Variants in DDX50 observed in about 807,000 individuals in gnomAD.
The protein encoded by DDX50 is DExD-box helicase 50.
DDX50 carries 56 observed loss-of-function variants against 94.8 expected under a neutral mutation model. The ratio of observed to expected loss-of-function variants is 0.59; its 90% CI spans 0.48 to 0.74. The LOEUF (loss-of-function observed/expected upper bound fraction) is 0.74. DDX50 is among the 30% of genes least tolerant of loss of function. The pLI, the probability that DDX50 is intolerant of heterozygous loss-of-function variation, is 0.00. For synonymous variants in DDX50, 264 were observed against 295.4 expected, an observed-to-expected ratio of 0.89 and a Z score of 1.09; for missense variants, 713 against 881.2, an observed-to-expected ratio of 0.81 and a Z score of 2.42.
chr10:68,934,528 A>ATT lies in DDX50; in HGVS notation c.1401+169_1401+170dup, dbSNP rs1401971883. 6.6e-6 allele frequency among the ~76,000 whole-genome samples: 1 copy of ATT among 152,206 alleles called. No individual in the cohort carries two copies. Among genetic ancestry groups the ATT allele is most frequent in the African/African-American group, 2.4e-5 (1 of 41,456 alleles). On this transcript the variant is annotated intron_variant, in intron 9 of 14. Coordinates refer to ENST00000373585, the MANE Select transcript of DDX50 (RefSeq NM_024045.2). The surrounding 1 kb of genome is among the most constrained non-coding windows in gnomAD (Gnocchi z 4.0). ...TCAGATTCTGATACTTTTGCAGATG[A>ATT]TTAACTCTATTGTTTGTATTTGAAG...
chr10:68,926,543 T>C (rs1252707274), intron 8 of DDX50, among the ~76,000 whole-genome samples: 2 of 152,174 alleles, frequency 1.3e-5, no homozygotes, highest in Non-Finnish European at 2.9e-5. Flanking sequence ...TTTTTGTTTT[T>C]ATTTTTAAAT....
intron 14 of DDX50, among the ~76,000 whole-genome samples, chr10:68,945,504 A>G (rs1380248395): frequency 6.6e-6 from 1 of 151,890 alleles, no homozygotes; most frequent in Admixed American, 6.6e-5. Flanking sequence ...TTGGAGTTTT[A>G]CCACGTTGGC....
chr10:68,907,160 C>A (rs117780607), intron 2 of DDX50, among the ~76,000 whole-genome samples, 153 bp downstream of exon 2: 1,649 of 152,204 alleles, frequency 0.011, 12 homozygotes, highest in South Asian at 0.025. Context: ...GAAGCCTGAG[C>A]CTTTTTTCCT....
At position 68,913,220 on chromosome 10, in the gene DDX50, A is replaced by T. The variant is rs1167332685; in HGVS notation, c.698A>T (p.Asp233Val). ...LANQVAKDFK[D>V]ITRKLSVACF... Reference sequence around the variant, plus strand: ...AACCAAGTAGCCAAAGACTTCAAAGATATAACTAGGAAACTCAGCGTGGCG... The same window carrying T: ...AACCAAGTAGCCAAAGACTTCAAAGTTATAACTAGGAAACTCAGCGTGGCG... The change falls in exon 5 of 15, where the codon GAT becomes GTT. Residue 233 changes from aspartate to valine, a missense_variant. Physicochemically the swap from Asp to Val is radical, Grantham distance 152 (BLOSUM62 -3). Transcript: ENST00000373585. The T allele has an allele frequency of 6.2e-7, 1 of 1,613,520 alleles. No homozygotes were observed. Among genetic ancestry groups the T allele is most frequent in the Admixed American group, 1.7e-5 (1 of 59,864 alleles).
At chr10:68,943,650 T>G (rs1350670047) in intron 14 of DDX50, among the ~76,000 whole-genome samples, 5 of 152,214 alleles carry the variant, frequency 3.3e-5, no homozygotes, top group Non-Finnish European at 2.9e-5. Context: ...CAGGCTGGGC[T>G]GAAACTCCCG....
chr10:68,935,992 T>A lies in DDX50; in HGVS notation c.1522-14T>A. 1 of 1,568,276 alleles carries A rather than the reference T, an allele frequency of 6.4e-7. No homozygotes were observed. The highest frequency in any genetic ancestry group is 8.7e-7 in the Non-Finnish European group (1 of 1,150,998). On this transcript the variant is annotated splice_polypyrimidine_tract_variant and intron_variant, in intron 10 of 14. Coordinates refer to ENST00000373585, the MANE Select transcript of DDX50 (RefSeq NM_024045.2). The stretch of plus-strand genomic sequence containing the variant: ...GACTTCCATTTTTCTTTAATGTAAC[T>A]CTTTCATTTTCAGGGAATTACTTTT...
chr10:68,902,359 CA>C (rs1246544076), intron 1 of DDX50, among the ~76,000 whole-genome samples: 2 of 152,168 alleles, frequency 1.3e-5, no homozygotes, highest in Non-Finnish European at 2.9e-5. Context: ...TGACATTCGA[CA>C]AAAGAATGAG....
At chr10:68,923,111 TAAAAA>T (rs71474455) in intron 8 of DDX50, among the ~76,000 whole-genome samples, 3 of 114,450 alleles carry the variant, frequency 2.6e-5, no homozygotes, top group African/African-American at 3.4e-5. Flanking sequence ...CCCTTTCTCT[TAAAAA>T]AAAAAAAAAA....
chr10:68,929,976 G>A (rs1246848183), intron 8 of DDX50, among the ~76,000 whole-genome samples: 2 of 150,824 alleles, frequency 1.3e-5, no homozygotes, highest in East Asian at 2.0e-4. Flanking sequence ...CAAGTGATCC[G>A]CCCACTTTGG....
At chr10:68,944,457 TC>T (rs1357343195) in intron 14 of DDX50, among the ~76,000 whole-genome samples, 3 of 152,216 alleles carry the variant, frequency 2.0e-5, no homozygotes, top group African/African-American at 7.2e-5. Context: ...TATTTTGCTT[TC>T]GAAGTCTTTT....
Position 68,912,434 on chromosome 10 carries a change from G to C in DDX50, c.640-728G>C, listed in dbSNP as rs891597074. 1.8e-3 allele frequency among the ~76,000 whole-genome samples: 281 copies of C among 152,208 alleles called. 8 individuals carry two copies. Among genetic ancestry groups the C allele is most frequent in the Non-Finnish European group, 5.4e-4 (37 of 68,010 alleles). ...TCATTCTGTAGTCCAGGCTGGTTTT[G>C]AACTCCTGGCCTCAAGTGATCCTTC... On this transcript the variant is annotated intron_variant, in intron 4 of 14. Coordinates refer to ENST00000373585, the MANE Select transcript of DDX50 (RefSeq NM_024045.2).
intron 7 of DDX50, among the ~76,000 whole-genome samples, chr10:68,915,020 CAAA>C (rs34542931): frequency 1.2e-4 from 13 of 112,576 alleles, no homozygotes; most frequent in East Asian, 2.8e-4. Flanking sequence ...GACCCTGTCT[CAAA>C]AAAAAAAAAA....
chr10:68,913,086 A>T, intron 4 of DDX50, 76 bp from the exon 5 acceptor site: 1 of 1,224,774 alleles, frequency 8.2e-7, no homozygotes, highest in South Asian at 1.5e-5. Flanking sequence ...AAATGCACCT[A>T]AAAAAAGTCT....
intron 2 of DDX50, among the ~76,000 whole-genome samples, chr10:68,909,491 C>T (rs910092638): frequency 1.2e-4 from 18 of 152,162 alleles, no homozygotes; most frequent in African/African-American, 4.3e-4. Flanking sequence ...AAAAACTTTA[C>T]ATTCCTCATT....
At chr10:68,915,936 CTA>C (rs1318629562) in intron 7 of DDX50, among the ~76,000 whole-genome samples, 5 of 152,208 alleles carry the variant, frequency 3.3e-5, no homozygotes, top group African/African-American at 1.2e-4. Context: ...AAAAATTACA[CTA>C]TTTTAAAAAA....
intron 7 of DDX50, among the ~76,000 whole-genome samples, chr10:68,917,075 C>T (rs1371190749): frequency 4.0e-5 from 6 of 151,718 alleles, no homozygotes; most frequent in Non-Finnish European, 8.8e-5. Flanking sequence ...GATCCAAATA[C>T]AATTCTTGAC....
chr10:68,910,413 G>A, intron 3 of DDX50, 31 bp downstream of exon 3: 1 of 1,563,186 alleles, frequency 6.4e-7, no homozygotes, highest in Middle Eastern at 2.1e-4. Flanking sequence ...TGTTATTGTT[G>A]TTGTTTTGAG....
At position 68,946,532 on chromosome 10, in the gene DDX50, C is replaced by T. The variant is rs1842678128; in HGVS notation, c.2116C>T (p.Arg706Ter). Residue 706 changes from arginine (R) to a stop codon, truncating the protein, a stop_gained, in exon 15 of 15, where the codon CGA becomes TGA. Coordinates refer to ENST00000373585, the MANE Select transcript of DDX50 (RefSeq NM_024045.2). LOFTEE classifies it high-confidence loss of function. Reference sequence around the variant, plus strand: ...TGGCGGCCGGTCAGGTAGACAGAGTCGACAAGGAAGTCGCTCAGGAAGTCG... The same window carrying T: ...TGGCGGCCGGTCAGGTAGACAGAGTTGACAAGGAAGTCGCTCAGGAAGTCG... ...RSGGRSGRQS[R>*]QGSRSGSRQD... The T allele has an allele frequency of 3.1e-6, 5 of 1,613,982 alleles. No homozygotes were observed. Among genetic ancestry groups the T allele is most frequent in the African/African-American group, 1.3e-5 (1 of 74,882 alleles).
intron 2 of DDX50, among the ~76,000 whole-genome samples, chr10:68,908,547 G>A (rs1393718095): frequency 6.6e-6 from 1 of 151,262 alleles, no homozygotes; most frequent in African/African-American, 2.4e-5. Flanking sequence ...GTGAAGACTG[G>A]AGGAGTATGT....
Sources: gnomAD v4.1 joint callset for allele counts (sites outside exome capture counted in the v4.1 genomes callset) on GRCh38, gnomAD v4.1.1 for gene constraint, Gnocchi (gnomAD v3.1) non-coding constraint, MANE v1.5 for transcripts, NCBI Gene and HGNC (gene_info 2026-07-23, HGNC 2026-07-21) for gene names.